Variants in TSHZ3 observed in about 807,000 individuals in gnomAD.
TSHZ3 encodes the protein teashirt zinc finger homeobox 3.
In TSHZ3, 10 loss-of-function variants were observed where a neutral mutation model predicts 64.5. The observed-to-expected ratio is 0.16, with a 90% CI of 0.10 to 0.26. The LOEUF (loss-of-function observed/expected upper bound fraction) is 0.26. Ranked by LOEUF, TSHZ3 falls within the 10% of genes least tolerant of loss-of-function variation. The probability of loss-of-function intolerance (pLI) is 1.00; values close to 1 mark genes in which losing one functional copy is unlikely to be tolerated. For synonymous variants in TSHZ3, 608 were observed against 593.1 expected (o/e 1.03, Z -0.36); for missense variants, 1,242 against 1,421.7 (o/e 0.87, Z 2.03).
chr19:31,157,731 GA>G (rs1974323957), intron 5 of TSHZ3, among the ~76,000 whole-genome samples: 1 of 152,234 alleles, frequency 6.6e-6, no homozygotes, highest in South Asian at 2.1e-4. Context: ...TCGCCTATGG[GA>G]GGGCCCAAGG....
rs1321317596 is a variant in TSHZ3, at chr19:31,327,861, C to T, written c.40+21319G>A. Among the ~76,000 whole-genome samples, 5 of 152,230 alleles carry T rather than the reference C, an allele frequency of 3.3e-5. No individual in the cohort carries two copies. The South Asian group carries it at 8.3e-4, about 25-fold the overall frequency. On this transcript the variant is annotated intron_variant, in intron 1 of 1. Coordinates refer to ENST00000240587, the MANE Select transcript of TSHZ3 (RefSeq NM_020856.4). ...AATAAAGAAATGAGAAAATGAACTA[C>T]GATATTCTCTTATTTGTTTAGTGTT...
At chr19:31,234,680 G>A (rs1975583571) in intron 3 of TSHZ3, among the ~76,000 whole-genome samples, 1 of 152,166 alleles carries the variant, frequency 6.6e-6, no homozygotes, top group Non-Finnish European at 1.5e-5. Context: ...ATGTGAAATT[G>A]CTTTGATTTA....
At chr19:31,203,621 C>T (rs1975119420) in intron 5 of TSHZ3, among the ~76,000 whole-genome samples, 1 of 152,040 alleles carries the variant, frequency 6.6e-6, no homozygotes, top group Admixed American at 6.6e-5. Context: ...GACGGTCACA[C>T]CACACAGACC....
At chr19:31,206,072 G>T (rs1975163384) in intron 4 of TSHZ3, among the ~76,000 whole-genome samples, 1 of 141,522 alleles carries the variant, frequency 7.1e-6, no homozygotes, top group African/African-American at 2.6e-5. Flanking sequence ...AGATGGATGG[G>T]TGAAATGGAT....
At chr19:31,220,716 T>C (rs1428236923) in intron 4 of TSHZ3, among the ~76,000 whole-genome samples, 3 of 152,180 alleles carry the variant, frequency 2.0e-5, no homozygotes, top group Non-Finnish European at 2.9e-5. Context: ...GTCTGAGAAG[T>C]GGTGCACTTC....
At chr19:31,344,522 T>C (rs1443624057) in intron 1 of TSHZ3, among the ~76,000 whole-genome samples, 1 of 152,244 alleles carries the variant, frequency 6.6e-6, no homozygotes, top group African/African-American at 2.4e-5. Flanking sequence ...GCTGCCACTC[T>C]TGGATTAAAC....
chr19:31,304,261 C>T (rs1033493587), intron 1 of TSHZ3, among the ~76,000 whole-genome samples: 12 of 152,166 alleles, frequency 7.9e-5, no homozygotes, highest in African/African-American at 1.4e-4. Flanking sequence ...GCTTGAGTCA[C>T]GGCGCCCAGT....
At chr19:31,176,425 A>G (rs1411423173) in intron 5 of TSHZ3, among the ~76,000 whole-genome samples, 1 of 152,268 alleles carries the variant, frequency 6.6e-6, no homozygotes, top group Non-Finnish European at 1.5e-5. Context: ...GATACTTTAC[A>G]GAAGTGAATA....
chr19:31,295,044 C>T (rs190833056), intron 1 of TSHZ3, among the ~76,000 whole-genome samples: 1 of 152,180 alleles, frequency 6.6e-6, no homozygotes, highest in East Asian at 1.9e-4. Context: ...CAAAAAAACC[C>T]CTCTATGATT....
Position 31,279,507 on chromosome 19 carries a change from C to T in TSHZ3, c.286G>A (p.Glu96Lys), listed in dbSNP as rs1441928665. The T allele has an allele frequency of 1.7e-5, 27 of 1,613,324 alleles. No individual in the cohort carries two copies. The highest frequency in any genetic ancestry group is 2.2e-5 in the East Asian group (1 of 44,862). ...ACCGTGACCTCCTTGGTCTCCTCTT[C>T]GTTCTTGATGGAGCCGCTTTCAAAG... ...ADFESGSIKN[E>K]EETKEVTVPL... The change falls in exon 2 of 2, where the codon GAA becomes AAA. Residue 96 changes from glutamate to lysine, a missense_variant. By Grantham distance (56) the Glu-to-Lys change is moderately conservative. This residue lies in a region of TSHZ3 where 555 missense variants were observed against 704.0 expected (regional missense o/e 0.79). Coordinates refer to ENST00000240587, the MANE Select transcript of TSHZ3 (RefSeq NM_020856.4). The surrounding 1 kb of genome is among the most constrained non-coding windows in gnomAD (Gnocchi z 6.4).
intron 4 of TSHZ3, among the ~76,000 whole-genome samples, chr19:31,223,342 G>A (rs993207615): frequency 2.0e-5 from 3 of 151,062 alleles, no homozygotes; most frequent in Admixed American, 2.0e-4. Context: ...GTGAATGATG[G>A]ACTCTAATTT....
chr19:31,316,314 A>G (rs1030868467), intron 1 of TSHZ3, among the ~76,000 whole-genome samples: 1 of 152,236 alleles, frequency 6.6e-6, no homozygotes, highest in Non-Finnish European at 1.5e-5. Flanking sequence ...TTTCTGCAGC[A>G]GTAACACTGG....
chr19:31,202,374 C>T (rs1975100386), intron 5 of TSHZ3, among the ~76,000 whole-genome samples: 1 of 152,022 alleles, frequency 6.6e-6, no homozygotes, highest in African/African-American at 2.4e-5. Flanking sequence ...ATACATAATA[C>T]ATATATGTGT....
intron 5 of TSHZ3, among the ~76,000 whole-genome samples, chr19:31,166,265 C>T (rs924499956): frequency 6.6e-6 from 1 of 152,100 alleles, no homozygotes; most frequent in Non-Finnish European, 1.5e-5. Flanking sequence ...TCATGTCACA[C>T]CATTACTTAG....
At chr19:31,161,978 C>T (rs115566524) in intron 5 of TSHZ3, among the ~76,000 whole-genome samples, 3,877 of 152,292 alleles carry the variant, frequency 0.025, 155 homozygotes, top group African/African-American at 0.087. Flanking sequence ...CAACATGGGT[C>T]GTTATCTCCT....
chr19:31,292,355 C>A (rs1469362911), intron 1 of TSHZ3, among the ~76,000 whole-genome samples: 1 of 152,130 alleles, frequency 6.6e-6, no homozygotes, highest in African/African-American at 2.4e-5. Context: ...GGAACTCTTG[C>A]CTGCCTATAC....
At chr19:31,320,283 T>C (rs1916728887) in intron 1 of TSHZ3, among the ~76,000 whole-genome samples, 1 of 152,176 alleles carries the variant, frequency 6.6e-6, no homozygotes, top group Non-Finnish European at 1.5e-5. Flanking sequence ...TCGTGTTTGC[T>C]TCTGTGCTTT....
intron 4 of TSHZ3, among the ~76,000 whole-genome samples, chr19:31,226,980 T>TC (rs1348699525): frequency 1.1e-4 from 15 of 130,766 alleles, no homozygotes; most frequent in South Asian, 5.2e-4. Flanking sequence ...TTTCTTTCTT[T>TC]TTTTTTTTTT....
chr19:31,291,751 C>T (rs923014886), intron 1 of TSHZ3, among the ~76,000 whole-genome samples: 1 of 152,178 alleles, frequency 6.6e-6, no homozygotes, highest in Non-Finnish European at 1.5e-5. Context: ...GAAGCCCGCA[C>T]CTGTCTGCTG....
Sources: allele counts gnomAD v4.1 joint callset (sites outside exome capture counted in the v4.1 genomes callset), GRCh38; gene constraint gnomAD v4.1.1; regional missense constraint gnomAD v4.1.1; non-coding constraint Gnocchi (gnomAD v3.1); transcripts MANE v1.5; gene names NCBI Gene and HGNC (gene_info 2026-07-23, HGNC 2026-07-21).